STARD13: variants seen among roughly 807,000 people sequenced by gnomAD.
The protein encoded by STARD13 is StAR related lipid transfer domain containing 13, also known as stAR-related lipid transfer protein 13.
Under a neutral mutation model 106.4 loss-of-function variants are expected in STARD13, and 62 were observed. The ratio of observed to expected loss-of-function variants is 0.58; its 90% confidence interval spans 0.48 to 0.72. The LOEUF is 0.72. Ranked by LOEUF, STARD13 falls within the 30% of genes least tolerant of loss-of-function variation. The pLI is 0.00. For synonymous variants in STARD13, 565 were observed against 553.0 expected (o/e 1.02, Z -0.31); for missense variants, 1,387 against 1,424.0 (o/e 0.97, Z 0.42).
chr13:33,468,248 T>C, the STARD13 span, among the ~76,000 whole-genome samples: 131 of 152,338 alleles, frequency 8.6e-4, no homozygotes, highest in Non-Finnish European at 4.6e-4. Context: ...CTGATTATGA[T>C]TAAAGAAATT....
intron 1 of STARD13, among the ~76,000 whole-genome samples, chr13:33,299,017 G>C (rs1259246667): frequency 6.6e-6 from 1 of 152,176 alleles, no homozygotes; most frequent in Non-Finnish European, 1.5e-5. Context: ...GGTCCCATAA[G>C]ATTATAATAG....
At position 33,104,471 on chromosome 13, in the gene STARD13, G is replaced by A. The variant is rs570440487; in HGVS notation, c.*1122C>T. ...AAAAGTTTAATGAATTACATTTTAA[G>A]AGTATCCTACACATAACAAAATATG... On this transcript the variant is annotated 3_prime_UTR_variant, in exon 14 of 14. Transcript: ENST00000336934. The A allele has an allele frequency of 1.3e-5, 2 of 152,702 alleles. No homozygotes were observed. Among genetic ancestry groups the A allele is most frequent in the East Asian group, 3.9e-4 (2 of 5,188 alleles). The allele number at this position is 152,702 out of a possible 1,614,324, so 9.5% of individuals were successfully genotyped here.
intron 1 of STARD13, among the ~76,000 whole-genome samples, chr13:33,283,487 C>T (rs943011249): frequency 6.6e-6 from 1 of 152,188 alleles, no homozygotes; most frequent in Non-Finnish European, 1.5e-5. Context: ...AATCCACATT[C>T]TCTGAAATTA....
At chr13:33,209,288 C>A (rs1346449442) in intron 1 of STARD13, among the ~76,000 whole-genome samples, 1 of 152,174 alleles carries the variant, frequency 6.6e-6, no homozygotes, top group Non-Finnish European at 1.5e-5. Flanking sequence ...CCTCATCCAG[C>A]CTTGATCAAT....
At chr13:33,465,201 C>CTTTTTTTTTTT in the STARD13 span, among the ~76,000 whole-genome samples, 4 of 60,642 alleles carry the variant, frequency 6.6e-5, no homozygotes, top group African/African-American at 2.1e-4. Flanking sequence ...TGGTCTTCTT[C>CTTTTTTTTTTT]TTTTTTTTTT....
the STARD13 span, among the ~76,000 whole-genome samples, chr13:33,526,736 G>A: frequency 6.6e-6 from 1 of 152,044 alleles, no homozygotes; most frequent in Non-Finnish European, 1.5e-5. Context: ...ACTGTAAGGA[G>A]TTTATAAGGG....
rs2077920388 is a variant in STARD13 at position 33,338,396 on chromosome 13, G to T, written c.124+11894C>A. Among the ~76,000 whole-genome samples, 4 of 152,240 alleles carry T rather than the reference G, an allele frequency of 2.6e-5. No homozygotes were observed. The South Asian group carries it at 8.3e-4, about 32-fold the overall frequency. ...CCATCAAATTCCATTTAGGCCAAAA[G>T]CATGCAGATGAATTCTCATTTGCAT... On this transcript the variant is annotated intron_variant, in intron 1 of 5. Transcript: ENST00000567873.
At chr13:33,252,805 C>T (rs1323127987) in intron 1 of STARD13, among the ~76,000 whole-genome samples, 1 of 152,108 alleles carries the variant, frequency 6.6e-6, no homozygotes, top group Non-Finnish European at 1.5e-5. Context: ...ACGCAAGTTG[C>T]AGAAGTTTTA....
At chr13:33,236,071 A>G (rs1889173964) in intron 1 of STARD13, among the ~76,000 whole-genome samples, 1 of 152,236 alleles carries the variant, frequency 6.6e-6, no homozygotes, top group South Asian at 2.1e-4. Context: ...TAAAATTATG[A>G]AAACGTACTG....
At chr13:33,530,919 T>G in the STARD13 span, among the ~76,000 whole-genome samples, 1 of 152,204 alleles carries the variant, frequency 6.6e-6, no homozygotes, top group Non-Finnish European at 1.5e-5. Context: ...TCACTTTATT[T>G]ATTAGTTTTC....
At chr13:33,218,911 G>T (rs1260580384) in intron 1 of STARD13, among the ~76,000 whole-genome samples, 1 of 152,072 alleles carries the variant, frequency 6.6e-6, no homozygotes, top group Non-Finnish European at 1.5e-5. Flanking sequence ...ACACGGCACT[G>T]AAAAAACAGA....
At chr13:33,421,410 T>C in the STARD13 span, among the ~76,000 whole-genome samples, 2 of 152,194 alleles carry the variant, frequency 1.3e-5, no homozygotes, top group African/African-American at 2.4e-5. Flanking sequence ...AAGTGGAATA[T>C]CTGAGTAGAC....
chr13:33,660,458 T>C, the STARD13 span, among the ~76,000 whole-genome samples: 1,670 of 152,352 alleles, frequency 0.011, 33 homozygotes, highest in African/African-American at 0.038. Flanking sequence ...CTTCCCTTGC[T>C]GGTACTGATC....
chr13:33,542,969 C>T, the STARD13 span, among the ~76,000 whole-genome samples: 7 of 152,224 alleles, frequency 4.6e-5, no homozygotes, highest in African/African-American at 1.4e-4. Flanking sequence ...CGCCGAGTTC[C>T]CGCGCGGGAG....
chr13:33,209,212 A>G (rs1393246210), intron 1 of STARD13, among the ~76,000 whole-genome samples: 2 of 152,204 alleles, frequency 1.3e-5, no homozygotes, highest in Non-Finnish European at 2.9e-5. Flanking sequence ...TGTGCAGTGT[A>G]CAACCTACGC....
At chr13:33,203,245 G>A (rs1320286750) in intron 1 of STARD13, among the ~76,000 whole-genome samples, 1 of 152,174 alleles carries the variant, frequency 6.6e-6, no homozygotes, top group Non-Finnish European at 1.5e-5. Flanking sequence ...TGGCAGGTCT[G>A]GCTTCTGATG....
chr13:33,259,961 A>T (rs1890556426), intron 1 of STARD13, among the ~76,000 whole-genome samples: 1 of 144,504 alleles, frequency 6.9e-6, no homozygotes, highest in Non-Finnish European at 1.5e-5. Flanking sequence ...GTGCCACTGC[A>T]CTCCAGCCTG....
chr13:33,666,064 T>C, the STARD13 span, among the ~76,000 whole-genome samples: 1 of 152,210 alleles, frequency 6.6e-6, no homozygotes, highest in African/African-American at 2.4e-5. Flanking sequence ...CATGTGGTAA[T>C]GTCTACACAT....
At chr13:33,322,371 A>G (rs1731710181) in intron 1 of STARD13, among the ~76,000 whole-genome samples, 1 of 152,210 alleles carries the variant, frequency 6.6e-6, no homozygotes, top group African/African-American at 2.4e-5. Context: ...CTCTGTTTTC[A>G]CTGTCGTTTG....
Sources: gnomAD v4.1 joint callset for allele counts (sites outside exome capture counted in the v4.1 genomes callset) on GRCh38, gnomAD v4.1.1 for gene constraint, MANE v1.5 for transcripts, NCBI Gene and HGNC (gene_info 2026-07-23, HGNC 2026-07-21) for gene names.